HMCN1: variants seen among roughly 807,000 people sequenced by gnomAD.
The protein encoded by HMCN1 is hemicentin 1.
A neutral mutation model predicts 625.9 loss-of-function variants in HMCN1; 321 were observed. The ratio of observed to expected loss-of-function variants is 0.51; its 90% CI spans 0.47 to 0.56. HMCN1 has a LOEUF of 0.56. Among genes scored for constraint, HMCN1 ranks in the 20% least tolerant of loss-of-function variants. The pLI is 0.00. For missense variants in HMCN1, 6,588 were observed against 6,887.3 expected, an observed-to-expected ratio of 0.96 and a Z score of 1.54; for synonymous variants, 2,425 against 2,417.6, an observed-to-expected ratio of 1.00 and a Z score of -0.09.
intron 102 of HMCN1, among the ~76,000 whole-genome samples, chr1:186,173,427 G>A (rs534545513): frequency 6.6e-5 from 10 of 151,480 alleles, no homozygotes; most frequent in Middle Eastern, 6.9e-3. Context: ...CAGCCAACTC[G>A]GTCAGGAGTT....
At chr1:185,970,996 T>C (rs1650784046) in intron 15 of HMCN1, among the ~76,000 whole-genome samples, 1 of 152,146 alleles carries the variant, frequency 6.6e-6, no homozygotes, top group Non-Finnish European at 1.5e-5. Flanking sequence ...AAAAAATTTA[T>C]ACGGAAAGAT....
chr1:186,084,375 TAGTGTTTTACCAATA>T (rs1490201606), intron 57 of HMCN1, among the ~76,000 whole-genome samples: 2 of 152,144 alleles, frequency 1.3e-5, no homozygotes, highest in African/African-American at 2.4e-5. Context: ...AAGTAATCAC[TAGTGTTTTACCAATA>T]AGGATTGGAG....
intron 1 of HMCN1, among the ~76,000 whole-genome samples, chr1:185,840,944 C>G (rs1441274192): frequency 2.0e-5 from 3 of 152,222 alleles, no homozygotes; most frequent in African/African-American, 4.8e-5. Flanking sequence ...GTAAATATTC[C>G]TCTCATTATC....
At chr1:185,936,956 T>G (rs554287507) in intron 11 of HMCN1, among the ~76,000 whole-genome samples, 1 of 152,292 alleles carries the variant, frequency 6.6e-6, no homozygotes, top group East Asian at 1.9e-4. Flanking sequence ...GACACTAGTT[T>G]TGGATGAGTG....
At chr1:185,806,546 CAAAAA>C (rs34411405) in intron 1 of HMCN1, among the ~76,000 whole-genome samples, 6 of 103,396 alleles carry the variant, frequency 5.8e-5, no homozygotes, top group African/African-American at 6.6e-5. Context: ...GACCCTGTCT[CAAAAA>C]AAAAAAAAAA....
intron 36 of HMCN1, among the ~76,000 whole-genome samples, chr1:186,036,483 G>A (rs960912733): frequency 6.6e-6 from 1 of 152,048 alleles, no homozygotes; most frequent in Non-Finnish European, 1.5e-5. Flanking sequence ...CAGTATGGAG[G>A]AAACCGCTCC....
intron 18 of HMCN1, 73 bp from the exon 19 acceptor site, chr1:185,984,096 A>C: frequency 6.4e-6 from 8 of 1,252,946 alleles, no homozygotes; most frequent in Non-Finnish European, 9.1e-6. Flanking sequence ...GAAAAAAAGA[A>C]AAAGCAGGTT....
intron 52 of HMCN1, 110 bp downstream of exon 52, chr1:186,070,867 A>G (rs2102343714): frequency 9.0e-7 from 1 of 1,106,856 alleles, no homozygotes; most frequent in Non-Finnish European, 1.4e-6. Flanking sequence ...ATGTGATCTT[A>G]AAACTAGCAA....
At chr1:185,963,937 T>TA (rs765469357) in intron 13 of HMCN1, 42 bp downstream of exon 13, 2 of 1,558,050 alleles carry the variant, frequency 1.3e-6, no homozygotes, top group South Asian at 2.2e-5. Flanking sequence ...ATAGGATGAA[T>TA]ATCACATCAA....
At chr1:186,058,448 G>A (rs1245842525) in intron 46 of HMCN1, among the ~76,000 whole-genome samples, 2 of 151,904 alleles carry the variant, frequency 1.3e-5, no homozygotes, top group Non-Finnish European at 2.9e-5. Flanking sequence ...CTTAATGACA[G>A]TATTTGCAAA....
At chr1:185,994,592 G>A (rs1370434015) in intron 23 of HMCN1, among the ~76,000 whole-genome samples, 1 of 152,052 alleles carries the variant, frequency 6.6e-6, no homozygotes, top group African/African-American at 2.4e-5. Flanking sequence ...GCAGTGTACT[G>A]GCATTACAGG....
At chr1:186,138,493 C>T (rs1027763086) in intron 89 of HMCN1, among the ~76,000 whole-genome samples, 1 of 152,178 alleles carries the variant, frequency 6.6e-6, no homozygotes, top group African/African-American at 2.4e-5. Flanking sequence ...ACAAATCAAA[C>T]AAGTCCAAGT....
chr1:185,827,834 A>G (rs1354351717), intron 1 of HMCN1, among the ~76,000 whole-genome samples: 3 of 152,118 alleles, frequency 2.0e-5, no homozygotes, highest in African/African-American at 4.8e-5. Flanking sequence ...AAATTCAGAG[A>G]TAATGAAAGA....
chr1:185,764,932 A>G (rs1655773152), intron 1 of HMCN1, among the ~76,000 whole-genome samples: 1 of 152,156 alleles, frequency 6.6e-6, no homozygotes, highest in African/African-American at 2.4e-5. Flanking sequence ...ACTCCTTGCC[A>G]TTCATAGGCA....
At chr1:185,815,687 C>T (rs759573250) in intron 1 of HMCN1, among the ~76,000 whole-genome samples, 13 of 149,778 alleles carry the variant, frequency 8.7e-5, no homozygotes, top group African/African-American at 1.3e-4. Context: ...AAAAAAAGAC[C>T]GATCTTAGTA....
At chr1:185,918,437 A>G (rs1666837647) in intron 6 of HMCN1, among the ~76,000 whole-genome samples, 1 of 152,194 alleles carries the variant, frequency 6.6e-6, no homozygotes, top group Admixed American at 6.5e-5. Context: ...GCAGCCAGCT[A>G]GATAGTGCCC....
At chr1:185,806,073 A>G (rs1299948295) in intron 1 of HMCN1, among the ~76,000 whole-genome samples, 2 of 151,958 alleles carry the variant, frequency 1.3e-5, no homozygotes, top group African/African-American at 4.8e-5. Context: ...TTGATATAAT[A>G]ATAATAATAA....
intron 89 of HMCN1, among the ~76,000 whole-genome samples, chr1:186,142,577 C>T (rs1571411729): frequency 6.6e-6 from 1 of 152,048 alleles, no homozygotes; most frequent in Non-Finnish European, 1.5e-5. Context: ...TGTTTTTTTG[C>T]ATCATCTAGA....
chr1:185,870,731 T>G (rs1161821996), intron 4 of HMCN1, among the ~76,000 whole-genome samples: 6 of 152,162 alleles, frequency 3.9e-5, no homozygotes, highest in African/African-American at 1.4e-4. Context: ...TTAAGTTATT[T>G]TCAAATGTAC....
Sources: gnomAD v4.1 joint callset for allele counts (sites outside exome capture counted in the v4.1 genomes callset) on GRCh38, gnomAD v4.1.1 for gene constraint, MANE v1.5 for transcripts, NCBI Gene and HGNC (gene_info 2026-07-23, HGNC 2026-07-21) for gene names.